TMTC2: variants seen among roughly 807,000 people sequenced by gnomAD.
The protein encoded by TMTC2 is protein O-mannosyl-transferase TMTC2.
Under a neutral mutation model 82.4 loss-of-function variants are expected in TMTC2, and 43 were observed. The observed-to-expected ratio is 0.52, with a 90% confidence interval of 0.41 to 0.67. The LOEUF is 0.67. Ranked by LOEUF, TMTC2 falls within the 30% of genes least tolerant of loss-of-function variation. TMTC2 has a pLI of 0.00. For synonymous variants in TMTC2, 408 were observed against 381.9 expected (o/e 1.07, Z -0.80); for missense variants, 919 against 1,012.4 (o/e 0.91, Z 1.25).
chr12:82,729,885 T>C (rs1484567575), intron 1 of TMTC2, among the ~76,000 whole-genome samples: 1 of 152,182 alleles, frequency 6.6e-6, no homozygotes, highest in Non-Finnish European at 1.5e-5. Flanking sequence ...GCTTCACTCC[T>C]GAAGCCAGCA....
At chr12:82,790,839 AAAAG>A (rs1197684605) in intron 1 of TMTC2, among the ~76,000 whole-genome samples, 5 of 151,726 alleles carry the variant, frequency 3.3e-5, no homozygotes, top group African/African-American at 9.7e-5. Flanking sequence ...AAAAAAAAAA[AAAAG>A]AAAGAAAAAG....
intron 4 of TMTC2, among the ~76,000 whole-genome samples, chr12:82,962,250 G>C (rs1233331769): frequency 6.6e-6 from 1 of 151,952 alleles, no homozygotes; most frequent in East Asian, 1.9e-4. Context: ...TGGGCTTTAG[G>C]TACATTGTCA....
chr12:83,030,469 T>C (rs1469719929), intron 8 of TMTC2, among the ~76,000 whole-genome samples: 2 of 151,966 alleles, frequency 1.3e-5, no homozygotes, highest in Admixed American at 1.3e-4. Context: ...AAAATGACAA[T>C]AATGTTTCTT....
rs1269782912 is a variant in TMTC2, at chr12:82,876,025, TGGC to T, written c.654+18448_654+18450del. ...TTGGTAATGGTAATGGTAGTAGTGGTGGCGGTGGTGGTGGTGGTGGTGGTGGTG... is the reference window on the plus strand; with the variant it reads ...TTGGTAATGGTAATGGTAGTAGTGGTGGTGGTGGTGGTGGTGGTGGTGGTG... On this transcript the variant is annotated intron_variant, in intron 2 of 11. Transcript: ENST00000321196. Among the ~76,000 whole-genome samples, 237 of 87,360 alleles carry T rather than the reference TGGC, an allele frequency of 2.7e-3. 1 individual carries two copies. The highest frequency in any genetic ancestry group is 6.1e-3 in the African/African-American group (146 of 23,926). 57.3% of individuals were successfully genotyped at this position (87,360 alleles called of 152,430 possible). A position where few individuals can be genotyped will look rare whatever the true frequency, so the allele number is the denominator to read the frequency against.
At chr12:83,001,635 CAAAAAA>C (rs34467744) in intron 8 of TMTC2, among the ~76,000 whole-genome samples, 2 of 93,150 alleles carry the variant, frequency 2.1e-5, no homozygotes, top group South Asian at 3.9e-4. Flanking sequence ...AACTCTGTCT[CAAAAAA>C]AAAAAAAAAA....
At chr12:82,754,954 G>A (rs543682022) in intron 1 of TMTC2, among the ~76,000 whole-genome samples, 1 of 152,316 alleles carries the variant, frequency 6.6e-6, no homozygotes, top group Admixed American at 6.5e-5. Context: ...TCAGAAAAAG[G>A]TGTTATGCAA....
At chr12:83,027,768 C>A (rs1313805659) in intron 8 of TMTC2, among the ~76,000 whole-genome samples, 1 of 152,150 alleles carries the variant, frequency 6.6e-6, no homozygotes, top group Non-Finnish European at 1.5e-5. Context: ...AAGCATGAGA[C>A]TCATTGCATT....
At chr12:82,784,581 G>A (rs1318869868) in intron 1 of TMTC2, among the ~76,000 whole-genome samples, 1 of 152,066 alleles carries the variant, frequency 6.6e-6, no homozygotes, top group African/African-American at 2.4e-5. Context: ...AACATTAAAA[G>A]GAAGCAAGAC....
At chr12:82,846,656 G>A (rs1187886249) in intron 1 of TMTC2, among the ~76,000 whole-genome samples, 1 of 152,102 alleles carries the variant, frequency 6.6e-6, no homozygotes, top group Non-Finnish European at 1.5e-5. Context: ...GAATATTCCT[G>A]TAGTTGGAAG....
intron 8 of TMTC2, among the ~76,000 whole-genome samples, chr12:82,996,620 G>A (rs1035834106): frequency 1.3e-5 from 2 of 152,112 alleles, no homozygotes; most frequent in African/African-American, 4.8e-5. Flanking sequence ...GTGTAAGTAG[G>A]ACTCTTTTGT....
At chr12:82,899,648 TAA>T (rs1873871589) in intron 3 of TMTC2, among the ~76,000 whole-genome samples, 1 of 134,650 alleles carries the variant, frequency 7.4e-6, no homozygotes, top group Non-Finnish European at 1.5e-5. Flanking sequence ...TATATATATA[TAA>T]GAATATATAT....
At chr12:82,914,482 A>G (rs915938688) in intron 3 of TMTC2, among the ~76,000 whole-genome samples, 3 of 152,232 alleles carry the variant, frequency 2.0e-5, no homozygotes, top group African/African-American at 7.2e-5. Context: ...ATAACTTATA[A>G]GCAGATTTTT....
chr12:83,065,258 C>G (rs577252387), intron 11 of TMTC2, among the ~76,000 whole-genome samples: 1 of 151,850 alleles, frequency 6.6e-6, no homozygotes, highest in East Asian at 1.9e-4. Context: ...TTTATTTTTT[C>G]TATGATATGA....
chr12:83,051,033 T>A lies in TMTC2; in HGVS notation c.2267+15T>A. 6.3e-7 allele frequency: 1 copy of A among 1,588,846 alleles called. No homozygotes were observed. Among genetic ancestry groups the A allele is most frequent in the Non-Finnish European group, 8.6e-7 (1 of 1,163,024 alleles). On this transcript the variant is annotated intron_variant, in intron 10 of 11. Transcript: ENST00000321196. ...CACATGCTCAGGTTAGTTTTTTTGC[T>A]GCTGTGCCTCAAAGCCTAGGCTTTG... is the stretch of plus-strand genomic sequence containing the variant.
At chr12:82,707,014 A>G (rs544121214) in intron 1 of TMTC2, among the ~76,000 whole-genome samples, 4 of 152,184 alleles carry the variant, frequency 2.6e-5, no homozygotes, top group Non-Finnish European at 5.9e-5. Context: ...TTGCTGGCAT[A>G]TTATTTCTTT....
intron 3 of TMTC2, among the ~76,000 whole-genome samples, chr12:82,901,739 C>T (rs1703102): frequency 0.043 from 6,612 of 152,048 alleles, 373 homozygotes; most frequent in African/African-American, 0.12. Flanking sequence ...TTATGTAAAT[C>T]TGGTTAGGAG....
chr12:83,081,893 G>T (rs1348099066), intron 11 of TMTC2, among the ~76,000 whole-genome samples: 2 of 152,110 alleles, frequency 1.3e-5, no homozygotes, highest in East Asian at 3.9e-4. Context: ...AAAAAAAATA[G>T]CCAGGTGTGG....
At chr12:83,052,015 TCC>T (rs1260569967) in intron 10 of TMTC2, among the ~76,000 whole-genome samples, 1 of 152,084 alleles carries the variant, frequency 6.6e-6, no homozygotes, top group Non-Finnish European at 1.5e-5. Flanking sequence ...ATGTAACTCC[TCC>T]CATATTCTTA....
At chr12:82,790,688 G>T (rs1308630405) in intron 1 of TMTC2, among the ~76,000 whole-genome samples, 1 of 151,794 alleles carries the variant, frequency 6.6e-6, no homozygotes, top group Admixed American at 6.6e-5. Context: ...TTAACTGGGT[G>T]TGGTTGTGCA....
Sources: gnomAD v4.1 joint callset for allele counts (sites outside exome capture counted in the v4.1 genomes callset) on GRCh38, gnomAD v4.1.1 for gene constraint, MANE v1.5 for transcripts, NCBI Gene and HGNC (gene_info 2026-07-23, HGNC 2026-07-21) for gene names.